Variants in POLR3A observed in about 807,000 individuals in gnomAD.
The protein encoded by POLR3A is DNA-directed RNA polymerase III subunit RPC1.
A neutral mutation model predicts 152.8 loss-of-function variants in POLR3A; 112 were observed. That is an observed-to-expected ratio of 0.73 (90% CI 0.63 to 0.86). POLR3A has a LOEUF of 0.86. Ranked by LOEUF, POLR3A falls within the 40% of genes least tolerant of loss-of-function variation. The pLI is 0.00. For missense variants in POLR3A, 1,385 were observed against 1,743.1 expected (o/e 0.79, Z 3.66); for synonymous variants, 615 against 652.1 (o/e 0.94, Z 0.87).
chr10:77,977,719 G>A lies in POLR3A; in HGVS notation c.4025-93C>T, dbSNP rs1475870900. ...ATTGGCTTAAGTGTCAGAAAATTAG[G>A]ATGTGAGTCCCAGCGCCACTCCACA... On this transcript the variant is annotated intron_variant, in intron 30 of 30. Transcript: ENST00000372371. 8.5e-6 allele frequency: 9 copies of A among 1,061,228 alleles called. No homozygotes were observed. In the South Asian group the frequency reaches 1.0e-4, roughly 12 times the overall value. 65.7% of individuals were successfully genotyped at this position (1,061,228 alleles called of 1,614,324 possible). A position where few individuals can be genotyped will look rare whatever the true frequency, so the allele number is the denominator to read the frequency against.
chr10:77,997,570 A>G (rs1847313318), intron 19 of POLR3A, among the ~76,000 whole-genome samples: 1 of 152,214 alleles, frequency 6.6e-6, no homozygotes, highest in Non-Finnish European at 1.5e-5. Flanking sequence ...TTCAAAGAGA[A>G]TAAAATACCT....
At chr10:77,991,684 G>A (rs548912648) in intron 20 of POLR3A, among the ~76,000 whole-genome samples, 2 of 152,168 alleles carry the variant, frequency 1.3e-5, no homozygotes, top group African/African-American at 4.8e-5. Context: ...CACCACGTAC[G>A]ATTAATTTTT....
In POLR3A at chr10:77,977,303, G is replaced by A. The variant is rs552213589; in HGVS notation, c.*175C>T. On this transcript the variant is annotated 3_prime_UTR_variant, in exon 31 of 31. Transcript: ENST00000372371. Reference sequence around the variant, plus strand: ...GTGGCACAGTCAGGGTCACTGGTGTGAGCTGCACCCTATCAGAGGAGAAGC... The same window carrying A: ...GTGGCACAGTCAGGGTCACTGGTGTAAGCTGCACCCTATCAGAGGAGAAGC... 4.2e-6 allele frequency: 3 copies of A among 712,880 alleles called. No individual in the cohort carries two copies. In the South Asian group the frequency reaches 4.8e-5, roughly 11 times the overall value. The allele number at this position is 712,880 out of a possible 1,614,324, so 44.2% of individuals were successfully genotyped here.
Position 78,022,158 on chromosome 10 carries a change from T to A in POLR3A, c.872A>T (p.Asp291Val). 6.2e-7 allele frequency: 1 copy of A among 1,614,170 alleles called. No individual in the cohort carries two copies. Among genetic ancestry groups the A allele is most frequent in the Non-Finnish European group, 8.5e-7 (1 of 1,180,024 alleles). Reference protein sequence around the residue: ...MKLTEIIFLNDVIKKHRISGA... With the variant: ...MKLTEIIFLNVVIKKHRISGA... ...GGAGGCACTGACCTTTTTAATAACA[T>A]CGTTTAGGAAAATGATTTCTGTCAG... The change falls in exon 6 of 31, where the codon GAT becomes GTT. Residue 291 changes from aspartate (D) to valine (V), a missense_variant. Asp to Val is a radical substitution (Grantham distance 152). Around this residue, in one of 7 missense-constraint regions of POLR3A, gnomAD observed 493 missense variants for 647.5 expected, o/e 0.76. Coordinates refer to ENST00000372371, the MANE Select transcript of POLR3A (RefSeq NM_007055.4).
chr10:78,013,708 A>T lies in POLR3A; in HGVS notation c.1514T>A (p.Met505Lys). 1 of 1,614,022 alleles carries T rather than the reference A, an allele frequency of 6.2e-7. No homozygotes were observed. The highest frequency in any genetic ancestry group is 8.5e-7 in the Non-Finnish European group (1 of 1,179,930). Residue 505 changes from methionine to lysine, a missense_variant, in exon 11 of 31, where the codon ATG becomes AAG. Physicochemically the swap from Met to Lys is moderately conservative, Grantham distance 95 (BLOSUM62 -1). Coordinates refer to ENST00000372371, the MANE Select transcript of POLR3A (RefSeq NM_007055.4). ...PYNADFDGDE[M>K]NLHLPQTEEA... is the part of the protein sequence containing the mutation. ...TTCTGTTTGAGGAAGATGAAGGTTC[A>T]TTTCATCACCATCAAAGTCAGCATT... is the stretch of plus-strand genomic sequence containing the variant.
Position 78,022,394 on chromosome 10 carries a change from C to G in POLR3A, c.646-10G>C. 6.2e-7 allele frequency: 1 copy of G among 1,612,872 alleles called. No homozygotes were observed. Reference sequence around the variant, plus strand: ...AGGGATTCAAGTTTTCCTATGGAAACGAAGAAAGGCAGAAATGGAGATACT... The same window carrying G: ...AGGGATTCAAGTTTTCCTATGGAAAGGAAGAAAGGCAGAAATGGAGATACT... On this transcript the variant is annotated splice_polypyrimidine_tract_variant and intron_variant, in intron 5 of 30. Transcript: ENST00000372371.
rs149025645 is a variant in POLR3A, at chr10:78,010,098, T to A, written c.1643-107A>T. 1,008 of 1,406,576 alleles carry A rather than the reference T, an allele frequency of 7.2e-4. 8 individuals carry two copies. The African/African-American group carries it at 0.012, about 17-fold the overall frequency. The allele number at this position is 1,406,576 out of a possible 1,614,324, so 87.1% of individuals were successfully genotyped here. A position where few individuals can be genotyped will look rare whatever the true frequency, so the allele number is the denominator to read the frequency against. On this transcript the variant is annotated intron_variant, in intron 12 of 30. Transcript: ENST00000372371. ...TTGAACCATGACCAACAGCGTGAATTGAAACAAACAGCTGCTTACTGGCTT... is the reference window on the plus strand; with the variant it reads ...TTGAACCATGACCAACAGCGTGAATAGAAACAAACAGCTGCTTACTGGCTT...
In POLR3A at chr10:78,009,517, C is replaced by T. The variant is rs1189488542; in HGVS notation, c.1909+20G>A. On this transcript the variant is annotated intron_variant, in intron 14 of 30. Coordinates refer to ENST00000372371, the MANE Select transcript of POLR3A (RefSeq NM_007055.4). ...TCTGTCACGTTCCTCCTTCTCCCCA[C>T]CCGAGTTCCGTCCACTCACAGGAAT... 6.8e-6 allele frequency: 11 copies of T among 1,614,120 alleles called. No individual in the cohort carries two copies. The highest frequency in any genetic ancestry group is 9.3e-6 in the Non-Finnish European group (11 of 1,180,054).
chr10:78,007,962 T>C, intron 14 of POLR3A, 96 bp from the exon 15 acceptor site: 1 of 854,906 alleles, frequency 1.2e-6, no homozygotes, highest in South Asian at 1.3e-5. Flanking sequence ...GTTCCCATAC[T>C]GACACTTAAA....
At chr10:77,987,199 A>G (rs1299289605) in intron 21 of POLR3A, among the ~76,000 whole-genome samples, 1 of 152,178 alleles carries the variant, frequency 6.6e-6, no homozygotes, top group East Asian at 1.9e-4. Context: ...GCCATGTAGT[A>G]GCAACCATCC....
At chr10:78,019,594 T>A (rs1589317116) in intron 8 of POLR3A, 1 of 379,238 alleles carries the variant, frequency 2.6e-6, no homozygotes, top group East Asian at 5.9e-5. Context: ...GGCGACTTGA[T>A]CTGCAATAAC....
intron 20 of POLR3A, among the ~76,000 whole-genome samples, chr10:77,992,882 T>G (rs2131936854): frequency 6.6e-6 from 1 of 150,918 alleles, no homozygotes; most frequent in East Asian, 2.0e-4. Context: ...AAAGCAAAAC[T>G]TTTTTCTTTT....
chr10:77,998,232 C>T (rs1357671196), intron 19 of POLR3A, among the ~76,000 whole-genome samples: 1 of 151,972 alleles, frequency 6.6e-6, no homozygotes, highest in East Asian at 1.9e-4. Flanking sequence ...GCATTCAGGA[C>T]ATAGGCATGG....
rs762842354 is a variant in POLR3A, at chr10:78,010,571, T to A, written c.1573-31A>T. ...GGAAAAGTAAGCGCAGTCAGTTAGC[T>A]GTTCTCGGATGCATGATGCAGCCCA... is the stretch of plus-strand genomic sequence containing the variant. On this transcript the variant is annotated intron_variant, in intron 11 of 30. Coordinates refer to ENST00000372371, the MANE Select transcript of POLR3A (RefSeq NM_007055.4). 2.0e-6 allele frequency: 3 copies of A among 1,501,898 alleles called. No individual in the cohort carries two copies. In the East Asian group the frequency reaches 6.8e-5, roughly 34 times the overall value. 93.0% of individuals were successfully genotyped at this position (1,501,898 alleles called of 1,614,324 possible). A position where few individuals can be genotyped will look rare whatever the true frequency, so the allele number is the denominator to read the frequency against.
chr10:77,983,961 C>T lies in POLR3A; in HGVS notation c.3388G>A (p.Val1130Ile), dbSNP rs199581222. The T allele has an allele frequency of 3.3e-5, 53 of 1,612,770 alleles. No homozygotes were observed. The Middle Eastern group carries it at 5.0e-4, about 15-fold the overall frequency. The change falls in exon 26 of 31, where the codon GTC becomes ATC. Residue 1130 changes from valine to isoleucine, a missense_variant. Physicochemically the swap from Val to Ile is conservative, Grantham distance 29 (BLOSUM62 3). Coordinates refer to ENST00000372371, the MANE Select transcript of POLR3A (RefSeq NM_007055.4). ...CTAATCCGTTCCAGGGAGAGCTTGA[C>T]GAGAATAAAGCAGTCATCAGGAAGA... is the stretch of plus-strand genomic sequence containing the variant. ...VFLPDDCFIL[V>I]KLSLERIRLL...
At position 78,021,610 on chromosome 10, in the gene POLR3A, T is replaced by G. The variant is rs766934023; in HGVS notation, c.1121A>C (p.Asn374Thr). ...CACAGCTACCTCATCAATCCGGAGG[T>G]TGGGGTCGGGCGAGATGACTGTTCT... ...SGRTVISPDP[N>T]LRIDEVAVPV... Residue 374 changes from asparagine to threonine, a missense_variant, in exon 8 of 31, where the codon AAC becomes ACC. Around this residue, in one of 7 missense-constraint regions of POLR3A, gnomAD observed 493 missense variants for 647.5 expected, o/e 0.76. Coordinates refer to ENST00000372371, the MANE Select transcript of POLR3A (RefSeq NM_007055.4). 1.2e-6 allele frequency: 2 copies of G among 1,613,968 alleles called. No individual in the cohort carries two copies. Among genetic ancestry groups the G allele is most frequent in the East Asian group, 4.5e-5 (2 of 44,872 alleles).
At chr10:78,026,694 C>T (rs1847637910) in intron 1 of POLR3A, among the ~76,000 whole-genome samples, 1 of 152,144 alleles carries the variant, frequency 6.6e-6, no homozygotes, top group Admixed American at 6.6e-5. Flanking sequence ...GCATTACAAC[C>T]TTCATCCTCT....
intron 4 of POLR3A, 66 bp from the exon 5 acceptor site, chr10:78,024,769 G>A: frequency 1.4e-6 from 2 of 1,471,676 alleles, no homozygotes; most frequent in Non-Finnish European, 1.9e-6. Flanking sequence ...AGAGATTGTA[G>A]TATGGTTAAT....
intron 16 of POLR3A, 80 bp downstream of exon 16, chr10:78,004,636 G>T: frequency 2.6e-6 from 3 of 1,165,032 alleles, no homozygotes; most frequent in Non-Finnish European, 3.7e-6. Flanking sequence ...TCTATTCATG[G>T]CTCAGCACAA....
Sources: gnomAD v4.1 joint callset for allele counts (sites outside exome capture counted in the v4.1 genomes callset) on GRCh38, gnomAD v4.1.1 for gene constraint, gnomAD v4.1.1 regional missense constraint, MANE v1.5 for transcripts, NCBI Gene and HGNC (gene_info 2026-07-23, HGNC 2026-07-21) for gene names.